GNG4: variants seen among roughly 807,000 people sequenced by gnomAD.
The protein encoded by GNG4 is G protein subunit gamma 4.
A neutral mutation model predicts 5.8 loss-of-function variants in GNG4; 4 were observed. The observed-to-expected ratio is 0.69, with a 90% CI of 0.34 to 1.57. The LOEUF (loss-of-function observed/expected upper bound fraction) is 1.57, where lower values mean the gene tolerates loss of function less well. Among genes scored for constraint, GNG4 ranks in the 40% most tolerant of loss-of-function variants. The pLI is 0.06. For synonymous variants in GNG4, 29 were observed against 32.9 expected (o/e 0.88, Z 0.41); for missense variants, 96 against 95.1 (o/e 1.01, Z -0.04).
chr1:235,557,397 A>G (rs140312838), intron 3 of GNG4, among the ~76,000 whole-genome samples: 1 of 152,118 alleles, frequency 6.6e-6, no homozygotes, highest in African/African-American at 2.4e-5. Context: ...GTCTTAGGTC[A>G]TTTCGTTTAA....
chr1:235,613,604 G>C (rs1024466661), intron 1 of GNG4, among the ~76,000 whole-genome samples: 47 of 152,288 alleles, frequency 3.1e-4, no homozygotes, highest in Middle Eastern at 3.4e-3. Flanking sequence ...GTGAAGGGAA[G>C]TGTCCAGCCT....
chr1:235,623,744 C>T (rs924346293), intron 1 of GNG4, among the ~76,000 whole-genome samples: 8 of 152,102 alleles, frequency 5.3e-5, no homozygotes, highest in Non-Finnish European at 7.4e-5. Flanking sequence ...AAATTCAGAG[C>T]GGGGGGTGCC....
chr1:235,587,600 AGGGCATGGGGTG>A (rs1558486336), intron 2 of GNG4, among the ~76,000 whole-genome samples: 3 of 462 alleles, frequency 6.5e-3, no homozygotes, highest in Non-Finnish European at 0.012. Context: ...TGAGTGTGGG[AGGGCATGGGGTG>A]GGGTGTGTGA....
intron 1 of GNG4, among the ~76,000 whole-genome samples, chr1:235,643,569 T>C (rs2102990442): frequency 6.6e-6 from 1 of 152,322 alleles, no homozygotes; most frequent in East Asian, 1.9e-4. Flanking sequence ...TTATCACACA[T>C]GCAGTCAATG....
chr1:235,553,035 A>C (rs1434784125), intron 3 of GNG4, among the ~76,000 whole-genome samples: 1 of 149,892 alleles, frequency 6.7e-6, no homozygotes, highest in African/African-American at 2.5e-5. Context: ...CTGGGATTAC[A>C]GGCATGAGCC....
chr1:235,624,563 A>G (rs1688773088), intron 1 of GNG4, among the ~76,000 whole-genome samples: 1 of 152,222 alleles, frequency 6.6e-6, no homozygotes, highest in African/African-American at 2.4e-5. Context: ...AGCTCCTAGC[A>G]TTATTCAAGA....
At chr1:235,621,689 T>G (rs1688715700) in intron 1 of GNG4, among the ~76,000 whole-genome samples, 1 of 151,100 alleles carries the variant, frequency 6.6e-6, no homozygotes, top group Non-Finnish European at 1.5e-5. Flanking sequence ...ACCCTTTTTT[T>G]TTTTGGAGAC....
Position 235,548,106 on chromosome 1 carries a change from G to A in GNG4, c.*4003C>T, listed in dbSNP as rs10925973. The A allele has an allele frequency of 0.55, 84,263 of 151,926 alleles. 24,099 individuals are homozygous for A. Among genetic ancestry groups the A allele is most frequent in the East Asian group, 0.83 (4,284 of 5,168 alleles). The allele number at this position is 151,926 out of a possible 1,614,324, so 9.4% of individuals were successfully genotyped here. ...TGGGCATTGGGGTGCTTTCCTGTTCGGGGTTATTATGGAGAGTGTTTTTGT... is the reference window on the plus strand; with the variant it reads ...TGGGCATTGGGGTGCTTTCCTGTTCAGGGTTATTATGGAGAGTGTTTTTGT... On this transcript the variant is annotated 3_prime_UTR_variant, in exon 4 of 4. Transcript: ENST00000391854.
At chr1:235,606,274 C>T (rs1016224901) in intron 1 of GNG4, among the ~76,000 whole-genome samples, 7 of 151,986 alleles carry the variant, frequency 4.6e-5, no homozygotes, top group Non-Finnish European at 1.0e-4. Context: ...CCCAGCTACT[C>T]GGGAGGCTGA....
At chr1:235,596,919 A>G (rs886769557) in intron 1 of GNG4, among the ~76,000 whole-genome samples, 1 of 151,458 alleles carries the variant, frequency 6.6e-6, no homozygotes. Context: ...TATTTTGTAG[A>G]GACGGAGTTT....
rs1385778337 is a variant in GNG4, at chr1:235,550,462, C to T, written c.*1647G>A. The T allele has an allele frequency of 6.6e-6, 1 of 152,274 alleles. No individual in the cohort carries two copies. Among genetic ancestry groups the T allele is most frequent in the African/African-American group, 2.4e-5 (1 of 41,396 alleles). 9.4% of individuals were successfully genotyped at this position (152,274 alleles called of 1,614,324 possible). On this transcript the variant is annotated 3_prime_UTR_variant, in exon 4 of 4. Transcript: ENST00000391854. ...CAGTTTTTCTGCTTACCATGTGTAA[C>T]CTTGGGCAAACTACATAAACGCTTT...
chr1:235,568,643 C>T (rs1687261615), intron 3 of GNG4, among the ~76,000 whole-genome samples: 1 of 152,108 alleles, frequency 6.6e-6, no homozygotes. Context: ...CTTGGGCTGA[C>T]ATCTTCAGAA....
chr1:235,569,643 A>G (rs375744151), intron 3 of GNG4, among the ~76,000 whole-genome samples: 5 of 151,128 alleles, frequency 3.3e-5, no homozygotes, highest in African/African-American at 1.2e-4. Flanking sequence ...TTACTGAAGC[A>G]GTGTTTGAAC....
intron 3 of GNG4, among the ~76,000 whole-genome samples, chr1:235,580,374 C>T (rs1345827088): frequency 6.6e-6 from 1 of 152,108 alleles, no homozygotes; most frequent in Non-Finnish European, 1.5e-5. Context: ...GTACCTAATA[C>T]TGATGAATTG....
chr1:235,645,195 G>GTGT (rs1485642184), intron 1 of GNG4, among the ~76,000 whole-genome samples: 1 of 152,130 alleles, frequency 6.6e-6, no homozygotes, highest in Non-Finnish European at 1.5e-5. Context: ...CTGTTCATCA[G>GTGT]TGTCTGGACC....
intron 3 of GNG4, among the ~76,000 whole-genome samples, chr1:235,569,165 G>C (rs890528529): frequency 6.6e-6 from 1 of 152,130 alleles, no homozygotes; most frequent in African/African-American, 2.4e-5. Context: ...GGTACTGATA[G>C]CACCAACATC....
At chr1:235,575,585 C>G (rs1687463795) in intron 3 of GNG4, among the ~76,000 whole-genome samples, 1 of 152,226 alleles carries the variant, frequency 6.6e-6, no homozygotes. Flanking sequence ...GAATTGTGAG[C>G]ACACCCACCC....
chr1:235,604,724 C>A (rs972837767), intron 1 of GNG4, among the ~76,000 whole-genome samples: 3 of 152,074 alleles, frequency 2.0e-5, no homozygotes, highest in African/African-American at 7.2e-5. Flanking sequence ...TTGCAAAGAC[C>A]CACTTTCCAA....
At chr1:235,628,853 C>A (rs1688875724) in intron 1 of GNG4, among the ~76,000 whole-genome samples, 1 of 152,120 alleles carries the variant, frequency 6.6e-6, no homozygotes. Context: ...CAGGGTTTGC[C>A]ATTCCCTTCA....
Sources: allele counts gnomAD v4.1 joint callset (sites outside exome capture counted in the v4.1 genomes callset), GRCh38; gene constraint gnomAD v4.1.1; transcripts MANE v1.5; gene names NCBI Gene and HGNC (gene_info 2026-07-23, HGNC 2026-07-21).